Variants in FHIT observed in about 807,000 individuals in gnomAD.
The protein encoded by FHIT is fragile histidine triad diadenosine triphosphatase, also known as bis(5'-adenosyl)-triphosphatase.
FHIT carries 19 observed loss-of-function variants against 17.9 expected under a neutral mutation model. That is an observed-to-expected ratio of 1.06 (90% CI 0.74 to 1.56). The LOEUF is 1.56. Ranked by LOEUF, FHIT falls within the 40% of genes most tolerant of loss-of-function variation. The probability of loss-of-function intolerance (pLI) is 0.00; values close to 1 mark genes in which losing one functional copy is unlikely to be tolerated. For missense variants in FHIT, 248 were observed against 189.2 expected, an observed-to-expected ratio of 1.31 and a Z score of -1.82; for synonymous variants, 81 against 69.7, an observed-to-expected ratio of 1.16 and a Z score of -0.81.
chr3:61,168,846 G>A (rs1467862751), intron 2 of FHIT, among the ~76,000 whole-genome samples: 1 of 152,184 alleles, frequency 6.6e-6, no homozygotes, highest in South Asian at 2.1e-4. Flanking sequence ...TACAGGGAAA[G>A]GTATTTCTTT....
intron 5 of FHIT, among the ~76,000 whole-genome samples, chr3:60,456,464 T>G (rs1228310985): frequency 6.6e-6 from 1 of 152,206 alleles, no homozygotes; most frequent in Non-Finnish European, 1.5e-5. Context: ...TGTACCTTCT[T>G]AAATACAACA....
intron 8 of FHIT, among the ~76,000 whole-genome samples, chr3:59,866,146 G>A (rs1416676714): frequency 6.6e-6 from 1 of 152,168 alleles, no homozygotes; most frequent in Admixed American, 6.5e-5. Flanking sequence ...AGTACCTGGA[G>A]TAAGGGCCAC....
intron 5 of FHIT, among the ~76,000 whole-genome samples, chr3:60,249,001 T>C (rs947647660): frequency 6.6e-6 from 1 of 152,208 alleles, no homozygotes; most frequent in Admixed American, 6.5e-5. Flanking sequence ...TTTTCCACAA[T>C]TGCATCTTTT....
intron 8 of FHIT, among the ~76,000 whole-genome samples, chr3:59,858,519 C>T (rs1702272721): frequency 6.6e-6 from 1 of 152,052 alleles, no homozygotes; most frequent in African/African-American, 2.4e-5. Flanking sequence ...AGCCATCGTG[C>T]CCAGCCTTTT....
intron 5 of FHIT, among the ~76,000 whole-genome samples, chr3:60,423,505 AATGAG>A (rs1238692386): frequency 1.3e-5 from 2 of 151,932 alleles, no homozygotes; most frequent in Non-Finnish European, 2.9e-5. Context: ...GATTGATATG[AATGAG>A]ATATCTTAGA....
At chr3:61,208,423 C>G (rs907815997) in intron 1 of FHIT, among the ~76,000 whole-genome samples, 20 of 152,048 alleles carry the variant, frequency 1.3e-4, no homozygotes, top group Admixed American at 2.0e-4. Flanking sequence ...GTATTAAAGT[C>G]TCCCATTATT....
chr3:59,976,161 T>A lies in FHIT; in HGVS notation c.279+35210A>T, dbSNP rs187792098. On this transcript the variant is annotated intron_variant, in intron 7 of 9. Coordinates refer to ENST00000492590, the MANE Select transcript of FHIT (RefSeq NM_002012.4). ...GAGATGGCTCCCAACAAGTACTGGA[T>A]GCTGTCTGGGGGGTAAAGGAAGCTT... Among the ~76,000 whole-genome samples the A allele has an allele frequency of 2.5e-3, 383 of 152,236 alleles. 1 individual carries two copies. The highest frequency in any genetic ancestry group is 8.9e-3 in the African/African-American group (372 of 41,570).
intron 7 of FHIT, among the ~76,000 whole-genome samples, chr3:59,941,702 C>T (rs1285486622): frequency 6.6e-6 from 1 of 152,012 alleles, no homozygotes; most frequent in Non-Finnish European, 1.5e-5. Flanking sequence ...ATGAGGCCCA[C>T]GAGAGAGATG....
chr3:60,683,825 C>A (rs1188113168), intron 4 of FHIT, among the ~76,000 whole-genome samples: 1 of 152,130 alleles, frequency 6.6e-6, no homozygotes, highest in Non-Finnish European at 1.5e-5. Context: ...TAAGTAATGG[C>A]AAACTGTCTC....
intron 5 of FHIT, among the ~76,000 whole-genome samples, chr3:60,468,268 G>A (rs55962863): frequency 5.9e-5 from 9 of 152,016 alleles, no homozygotes; most frequent in East Asian, 3.9e-4. Flanking sequence ...TACATCTTTC[G>A]ATTAGAGTTT....
chr3:61,104,996 G>A (rs1437800025), intron 2 of FHIT, among the ~76,000 whole-genome samples: 2 of 151,914 alleles, frequency 1.3e-5, no homozygotes, highest in African/African-American at 4.8e-5. Flanking sequence ...TAGCTTCCTT[G>A]TATTGAGTTT....
chr3:60,372,730 T>G lies in FHIT; in HGVS notation c.103+164130A>C, dbSNP rs114249590. 8.3e-3 allele frequency among the ~76,000 whole-genome samples: 1,269 copies of G among 152,328 alleles called. 20 individuals carry two copies. The highest frequency in any genetic ancestry group is 0.029 in the African/African-American group (1,215 of 41,578). ...CTTTATCTTCCATTCTCAATTTGCTTTAGGATGTCTTTTATTTCTTCCTTA... is the reference window on the plus strand; with the variant it reads ...CTTTATCTTCCATTCTCAATTTGCTGTAGGATGTCTTTTATTTCTTCCTTA... On this transcript the variant is annotated intron_variant, in intron 5 of 9. Transcript: ENST00000492590.
At chr3:60,639,926 G>A (rs535332357) in intron 4 of FHIT, among the ~76,000 whole-genome samples, 4 of 152,178 alleles carry the variant, frequency 2.6e-5, no homozygotes, top group East Asian at 1.9e-4. Context: ...ACAAAATGTC[G>A]AATAACCATA....
chr3:60,247,314 T>C, intron 5 of FHIT, among the ~76,000 whole-genome samples: 1 of 151,808 alleles, frequency 6.6e-6, no homozygotes, highest in Non-Finnish European at 1.5e-5. Flanking sequence ...ACTTGTGCCC[T>C]GAAGTTTAAG....
intron 5 of FHIT, among the ~76,000 whole-genome samples, chr3:60,348,440 T>G (rs1393196428): frequency 6.8e-6 from 1 of 148,006 alleles, no homozygotes; most frequent in Non-Finnish European, 1.5e-5. Flanking sequence ...ATTTTATTTT[T>G]GGGTTTTTTT....
chr3:60,896,752 GAT>G (rs1302906577), intron 3 of FHIT, among the ~76,000 whole-genome samples: 9 of 152,048 alleles, frequency 5.9e-5, no homozygotes, highest in Admixed American at 5.2e-4. Context: ...TCATCCATTT[GAT>G]ATATAGTTAG....
intron 1 of FHIT, among the ~76,000 whole-genome samples, chr3:61,243,827 G>A (rs973754673): frequency 2.0e-5 from 3 of 152,088 alleles, no homozygotes; most frequent in Non-Finnish European, 2.9e-5. Flanking sequence ...ATACAAGGAG[G>A]GTAGGGGAGA....
intron 5 of FHIT, among the ~76,000 whole-genome samples, chr3:60,363,203 C>T (rs540698721): frequency 1.3e-5 from 2 of 152,212 alleles, no homozygotes; most frequent in Middle Eastern, 3.4e-3. Context: ...GTCGGCAACC[C>T]CACATCAGTC....
chr3:59,933,865 A>G (rs2107239326), intron 7 of FHIT, among the ~76,000 whole-genome samples: 1 of 152,326 alleles, frequency 6.6e-6, no homozygotes, highest in African/African-American at 2.4e-5. Context: ...CAAAGAAGAA[A>G]GGAAAGAAAG....
Sources: allele counts gnomAD v4.1 joint callset (sites outside exome capture counted in the v4.1 genomes callset), GRCh38; gene constraint gnomAD v4.1.1; transcripts MANE v1.5; gene names NCBI Gene and HGNC (gene_info 2026-07-23, HGNC 2026-07-21).